The following INF2 variants were observed in gnomAD, a reference collection of about 807,000 sequenced individuals.
The protein encoded by INF2 is inverted formin-2.
In INF2, 43 loss-of-function variants were observed where a neutral mutation model predicts 123.5. The observed-to-expected ratio is 0.35, with a 90% CI of 0.27 to 0.45. The LOEUF (loss-of-function observed/expected upper bound fraction) is 0.45. Ranked by LOEUF, INF2 falls within the 20% of genes least tolerant of loss-of-function variation. INF2 has a pLI of 1.00. For synonymous variants in INF2, 851 were observed against 745.0 expected, an observed-to-expected ratio of 1.14 and a Z score of -2.32; for missense variants, 1,453 against 1,682.7, an observed-to-expected ratio of 0.86 and a Z score of 2.39.
At position 104,708,564 on chromosome 14, in the gene INF2, C is replaced by T. The variant is rs539256832; in HGVS notation, c.1864C>T (p.Arg622Trp). The change falls in exon 9 of 23, where the codon CGG becomes TGG. Residue 622 changes from arginine (R) to tryptophan (W), a missense_variant. Physicochemically the swap from Arg to Trp is moderately radical, Grantham distance 101. Transcript: ENST00000392634. Reference sequence around the variant, plus strand: ...CAAGGAGCCCACCATGGTGGCCCCCCGGGCCAGGAAGGAGCCCAAGGAGGT... The same window carrying T: ...CAAGGAGCCCACCATGGTGGCCCCCTGGGCCAGGAAGGAGCCCAAGGAGGT... ...KPKEPTMVAP[R>W]ARKEPKEITF... is the part of the protein sequence containing the mutation. 1.7e-5 allele frequency: 27 copies of T among 1,612,494 alleles called. No homozygotes were observed. The highest frequency in any genetic ancestry group is 5.5e-5 in the South Asian group (5 of 91,078).
rs906174224 is a variant in INF2, at chr14:104,696,644, C to G, written c.-9-4713C>G. ...AGGTGCCTCCACCGCCCTGCAGGGC[C>G]TGGGCTGCCCAGAACCCCGGGGTGC... is the stretch of plus-strand genomic sequence containing the variant. On this transcript the variant is annotated intron_variant, in intron 1 of 22. Coordinates refer to ENST00000392634, the MANE Select transcript of INF2 (RefSeq NM_022489.4). Among the ~76,000 whole-genome samples the G allele has an allele frequency of 1.8e-4, 27 of 152,244 alleles. 1 individual carries two copies. Among genetic ancestry groups the G allele is most frequent in the Admixed American group, 1.5e-3 (23 of 15,302 alleles).
intron 10 of INF2, 109 bp downstream of exon 10, chr14:104,708,841 A>G (rs1332767834): frequency 4.4e-6 from 5 of 1,125,356 alleles, no homozygotes; most frequent in South Asian, 1.2e-5. Context: ...GGAAGTGCAC[A>G]CTGCATCCCC....
rs375369879 is a variant in INF2 at position 104,710,918 on chromosome 14, G to A, written c.2240-19G>A. ...GCTCCGAACCAAGAGCCCCTCTCCA[G>A]CCCTGGCTGCCCCTGCAGGCCTGCT... On this transcript the variant is annotated intron_variant, in intron 13 of 22. Coordinates refer to ENST00000392634, the MANE Select transcript of INF2 (RefSeq NM_022489.4). 34 of 1,610,736 alleles carry A rather than the reference G, an allele frequency of 2.1e-5. No homozygotes were observed. The highest frequency in any genetic ancestry group is 4.0e-5 in the African/African-American group (3 of 74,840).
upstream of INF2, among the ~76,000 whole-genome samples, chr14:104,689,425 G>T (rs563305904): frequency 2.6e-5 from 4 of 152,240 alleles, no homozygotes; most frequent in East Asian, 5.8e-4. Flanking sequence ...CGAGGGGGCG[G>T]CCAGGTTATT....
In INF2 at chr14:104,714,360, G is replaced by A. The variant is rs1281969631; in HGVS notation, c.3198G>A (p.Glu1066=). 1.3e-6 allele frequency: 2 copies of A among 1,597,138 alleles called. No homozygotes were observed. The highest frequency in any genetic ancestry group is 2.3e-5 in the South Asian group (2 of 88,736). The change falls in exon 21 of 23, where the codon GAG becomes GAA. Residue 1066 remains glutamate (E), a synonymous_variant. Coordinates refer to ENST00000392634, the MANE Select transcript of INF2 (RefSeq NM_022489.4). ...AGCCCACCCTGGAGCAGTTGGAGGA[G>A]GGTGGTCCACGGCCCCTGGAGAGGC... The part of the protein sequence containing the change: ...GPQPTLEQLE[E]GGPRPLERRS...
intron 11 of INF2, 42 bp from the exon 12 acceptor site, chr14:104,709,578 G>A (rs768960948): frequency 3.3e-5 from 51 of 1,564,790 alleles, no homozygotes; most frequent in Non-Finnish European, 2.6e-5. Flanking sequence ...AGGGCGGGAA[G>A]CTGGCATGGG....
chr14:104,694,432 G>T (rs564328668), intron 1 of INF2, among the ~76,000 whole-genome samples: 1 of 152,344 alleles, frequency 6.6e-6, no homozygotes, highest in South Asian at 2.1e-4. Flanking sequence ...AGCAGGGGCT[G>T]GGAAGATTCA....
chr14:104,689,713 AC>A lies in INF2; in HGVS notation c.-34del. On this transcript the variant is annotated 5_prime_UTR_variant, in exon 1 of 23. Coordinates refer to ENST00000392634, the MANE Select transcript of INF2 (RefSeq NM_022489.4). The stretch of plus-strand genomic sequence containing the variant: ...CCCCGGACGGAGCGCCGGCCGCACC[AC>A]CGCCCTCTGGCCGTTGCCTCACCGG... The A allele has an allele frequency of 1.0e-6, 1 of 984,538 alleles. No individual in the cohort carries two copies. Among genetic ancestry groups the A allele is most frequent in the Non-Finnish European group, 1.2e-6 (1 of 829,734 alleles). 61.0% of individuals were successfully genotyped at this position (984,538 alleles called of 1,614,324 possible).
chr14:104,713,093 C>G, intron 18 of INF2, 101 bp downstream of exon 18: 2 of 1,607,254 alleles, frequency 1.2e-6, no homozygotes, highest in African/African-American at 1.3e-5. Flanking sequence ...TTCGTCGGGC[C>G]GACACAGCCA....
intron 1 of INF2, among the ~76,000 whole-genome samples, chr14:104,695,509 A>G (rs964585070): frequency 2.1e-5 from 3 of 144,852 alleles, no homozygotes; most frequent in African/African-American, 5.0e-5. Flanking sequence ...TGCAGGTGGA[A>G]GCGAGAGCTG....
intron 11 of INF2, 23 bp from the exon 12 acceptor site, chr14:104,709,582 GCATGGGGGGATCCCA>G: frequency 6.3e-7 from 1 of 1,576,282 alleles, no homozygotes; most frequent in Non-Finnish European, 8.7e-7. Flanking sequence ...CGGGAAGCTG[GCATGGGGGGATCCCA>G]CATGCCGTTC....
intron 1 of INF2, among the ~76,000 whole-genome samples, chr14:104,682,292 A>C (rs1029290401): frequency 2.6e-5 from 4 of 151,828 alleles, no homozygotes; most frequent in African/African-American, 4.8e-5. Context: ...AAGGGGCTTT[A>C]GCGGGGAAGT....
chr14:104,692,342 C>T (rs1179342989), intron 1 of INF2, among the ~76,000 whole-genome samples: 1 of 152,260 alleles, frequency 6.6e-6, no homozygotes, highest in South Asian at 2.1e-4. Context: ...AAAGCCCCTA[C>T]TGTGTGCATC....
At position 104,711,023 on chromosome 14, in the gene INF2, C is replaced by A; in HGVS notation, c.2310+16C>A. 1.9e-6 allele frequency: 3 copies of A among 1,611,562 alleles called. No homozygotes were observed. The highest frequency in any genetic ancestry group is 2.5e-6 in the Non-Finnish European group (3 of 1,179,372). ...CCTCAACTACGTAAGTCAGGGGCAG[C>A]TCCCCATCCCACCTGGTGCCAGGGG... On this transcript the variant is annotated intron_variant, in intron 14 of 22. Coordinates refer to ENST00000392634, the MANE Select transcript of INF2 (RefSeq NM_022489.4).
Position 104,714,749 on chromosome 14 carries a change from A to G in INF2, c.3587A>G (p.Asp1196Gly), listed in dbSNP as rs753333052. 17 of 1,602,030 alleles carry G rather than the reference A, an allele frequency of 1.1e-5. No homozygotes were observed. The highest frequency in any genetic ancestry group is 1.3e-5 in the Non-Finnish European group (15 of 1,174,516). Reference protein sequence around the residue: ...DTSLDKSFSEDAVTDSSGSGT... With the variant: ...DTSLDKSFSEGAVTDSSGSGT... ...TCCCTGGACAAGTCCTTCTCCGAGG[A>G]TGCGGTGACCGACTCCTCGGGGTCG... The change falls in exon 21 of 23, where the codon GAT (aspartate) becomes GGT (glycine). Residue 1196 changes from aspartate to glycine, a missense_variant. By Grantham distance (94) the Asp-to-Gly change is moderately conservative. Transcript: ENST00000392634.
At chr14:104,715,209 C>T in intron 21 of INF2, 75 bp from the exon 22 acceptor site, 1 of 1,466,780 alleles carries the variant, frequency 6.8e-7, no homozygotes, top group Non-Finnish European at 9.6e-7. Flanking sequence ...CCGGGCCCCC[C>T]AGCCCCACCC....
At chr14:104,715,442 C>A in intron 22 of INF2, 102 bp downstream of exon 22, 2 of 1,108,342 alleles carry the variant, frequency 1.8e-6, no homozygotes, top group Non-Finnish European at 2.8e-6. Context: ...CCTGGCTTCT[C>A]TCCAGCCCGC....
intron 1 of INF2, among the ~76,000 whole-genome samples, chr14:104,682,359 G>A (rs1888546409): frequency 1.3e-5 from 2 of 152,226 alleles, no homozygotes; most frequent in South Asian, 2.1e-4. Context: ...GAAGAGCTCA[G>A]GAGCAAATGG....
chr14:104,702,308 G>A (rs1284729851), intron 2 of INF2, among the ~76,000 whole-genome samples: 1 of 152,198 alleles, frequency 6.6e-6, no homozygotes, highest in Non-Finnish European at 1.5e-5. Context: ...TTCCCGGCAG[G>A]CAGGCAGGCC....
Sources: gnomAD v4.1 joint callset for allele counts (sites outside exome capture counted in the v4.1 genomes callset) on GRCh38, gnomAD v4.1.1 for gene constraint, MANE v1.5 for transcripts, NCBI Gene and HGNC (gene_info 2026-07-23, HGNC 2026-07-21) for gene names.